MPPE1: variants seen among roughly 807,000 people sequenced by gnomAD.
MPPE1 encodes the protein metallophosphoesterase 1.
In MPPE1, 28 loss-of-function variants were observed where a neutral mutation model predicts 43.8. The ratio of observed to expected loss-of-function variants is 0.64; its 90% confidence interval spans 0.47 to 0.88. The LOEUF (loss-of-function observed/expected upper bound fraction) is 0.88. MPPE1 is among the 40% of genes least tolerant of loss of function. The pLI, the probability that MPPE1 is intolerant of heterozygous loss-of-function variation, is 0.00. For missense variants in MPPE1, 428 were observed against 492.2 expected (o/e 0.87, Z 1.23); for synonymous variants, 159 against 188.5 (o/e 0.84, Z 1.28).
At chr18:11,906,817 G>A (rs1184299543) in intron 1 of MPPE1, among the ~76,000 whole-genome samples, 1 of 144,654 alleles carries the variant, frequency 6.9e-6, no homozygotes, top group Admixed American at 7.1e-5. Context: ...TCGCGCCATT[G>A]CACTCCAGCC....
Position 11,886,502 on chromosome 18 carries a change from T to C in MPPE1, c.864A>G (p.Gln288=), listed in dbSNP as rs1180141255. The part of the protein sequence containing the change: ...NYDVLSREAS[Q]KLLWWLQPRL... ...GCATCACGACACCCTGGCAAACCTT[T>C]TGTGATGCCTCCCGTGAAAGCACGT... Residue 288 remains glutamine, a synonymous_variant, in exon 9 of 11, where the codon CAA becomes CAG. Coordinates refer to ENST00000588072, the MANE Select transcript of MPPE1 (RefSeq NM_023075.6). This position sits in a 1 kb window ranked among gnomAD's most constrained non-coding sequence, Gnocchi z 4.1. The C allele has an allele frequency of 3.1e-6, 5 of 1,614,052 alleles. No homozygotes were observed. The highest frequency in any genetic ancestry group is 2.2e-5 in the East Asian group (1 of 44,890).
intron 6 of MPPE1, among the ~76,000 whole-genome samples, chr18:11,887,282 G>A (rs1190183104): frequency 6.6e-6 from 1 of 152,176 alleles, no homozygotes; most frequent in Non-Finnish European, 1.5e-5. Context: ...GATTACAGAA[G>A]CTCTGCAGTT....
In MPPE1 at chr18:11,906,197, T is replaced by C. The variant is rs1468209134; in HGVS notation, c.-93+6A>G. Reference sequence around the variant, plus strand: ...CGTAAAATATGGAAGCTAGATTATATATTACCTATAATTTTCCAGGAAAAT... The same window carrying C: ...CGTAAAATATGGAAGCTAGATTATACATTACCTATAATTTTCCAGGAAAAT... On this transcript the variant is annotated splice_donor_region_variant and intron_variant, in intron 2 of 10. Coordinates refer to ENST00000588072, the MANE Select transcript of MPPE1 (RefSeq NM_023075.6). 2 of 152,156 alleles carry C rather than the reference T, an allele frequency of 1.3e-5. No individual in the cohort carries two copies. The highest frequency in any genetic ancestry group is 4.8e-5 in the African/African-American group (2 of 41,430). 9.4% of individuals were successfully genotyped at this position (152,156 alleles called of 1,614,324 possible).
In MPPE1 at chr18:11,884,215, T is replaced by A. The variant is rs117928919; in HGVS notation, c.*230A>T. The stretch of plus-strand genomic sequence containing the variant: ...GATGCAACCTTTGATGATACATATA[T>A]TTGATAAAAATGAGAAAACAGATTT... On this transcript the variant is annotated 3_prime_UTR_variant, in exon 11 of 11. Transcript: ENST00000588072. The A allele has an allele frequency of 4.2e-4, 217 of 512,910 alleles. No homozygotes were observed. Among genetic ancestry groups the A allele is most frequent in the East Asian group, 3.7e-3 (113 of 30,626 alleles). The allele number at this position is 512,910 out of a possible 1,614,324, so 31.8% of individuals were successfully genotyped here.
At chr18:11,900,780 G>A (rs183786157) in intron 2 of MPPE1, among the ~76,000 whole-genome samples, 91 of 151,794 alleles carry the variant, frequency 6.0e-4, no homozygotes, top group Admixed American at 1.1e-3. Flanking sequence ...GGTGGCAGAC[G>A]CCTGTAGTCC....
intron 3 of MPPE1, among the ~76,000 whole-genome samples, chr18:11,894,431 CAA>C (rs66687820): frequency 0.088 from 5,655 of 64,560 alleles, 44 homozygotes; most frequent in African/African-American, 0.11. Context: ...GACTCCATCT[CAA>C]AAAAAAAAAA....
chr18:11,902,002 T>TA (rs546339976), intron 2 of MPPE1, among the ~76,000 whole-genome samples: 131 of 152,352 alleles, frequency 8.6e-4, no homozygotes, highest in South Asian at 2.9e-3. Context: ...GGTCAAGCTG[T>TA]ACTTTATCTT....
rs2036779996 is a variant in MPPE1 at position 11,883,606 on chromosome 18, A to G, written c.*839T>C. 1 of 153,522 alleles carries G rather than the reference A, an allele frequency of 6.5e-6. No homozygotes were observed. Among genetic ancestry groups the G allele is most frequent in the Non-Finnish European group, 1.5e-5 (1 of 68,042 alleles). 9.5% of individuals were successfully genotyped at this position (153,522 alleles called of 1,614,324 possible). A position where few individuals can be genotyped will look rare whatever the true frequency, so the allele number is the denominator to read the frequency against. ...AACGTGGTCTCCTATAGAGAAAATT[A>G]CACTTATCTAAAAATCTGATTCCAT... On this transcript the variant is annotated 3_prime_UTR_variant, in exon 11 of 11. Coordinates refer to ENST00000588072, the MANE Select transcript of MPPE1 (RefSeq NM_023075.6).
At chr18:11,895,799 A>C (rs2038531698) in intron 3 of MPPE1, among the ~76,000 whole-genome samples, 1 of 151,864 alleles carries the variant, frequency 6.6e-6, no homozygotes, top group African/African-American at 2.4e-5. Context: ...TCCTGGCCTC[A>C]AGCAGTTCTT....
chr18:11,908,288 G>C lies in MPPE1; in HGVS notation c.-287C>G, dbSNP rs1249117769. The C allele has an allele frequency of 6.6e-6, 1 of 152,304 alleles. No homozygotes were observed. Among genetic ancestry groups the C allele is most frequent in the East Asian group, 1.9e-4 (1 of 5,196 alleles). The allele number at this position is 152,304 out of a possible 1,614,324, so 9.4% of individuals were successfully genotyped here. Reference sequence around the variant, plus strand: ...GGAGCCCTTTCACCAGGGCAGGGTGGCTTCGGTGGCCGAGGGACCCGGGAA... The same window carrying C: ...GGAGCCCTTTCACCAGGGCAGGGTGCCTTCGGTGGCCGAGGGACCCGGGAA... On this transcript the variant is annotated 5_prime_UTR_variant, in exon 1 of 11. Coordinates refer to ENST00000588072, the MANE Select transcript of MPPE1 (RefSeq NM_023075.6).
At chr18:11,884,827 G>T in intron 10 of MPPE1, 200 bp from the exon 11 acceptor site, 1 of 1,398,490 alleles carries the variant, frequency 7.2e-7, no homozygotes, top group Non-Finnish European at 9.3e-7. Context: ...TCCAGCAGGA[G>T]AGACAAGTAA....
Position 11,886,636 on chromosome 18 carries a change from G to C in MPPE1, c.745-15C>G, listed in dbSNP as rs747058357. The C allele has an allele frequency of 1.2e-5, 19 of 1,614,046 alleles. No homozygotes were observed. Among genetic ancestry groups the C allele is most frequent in the Middle Eastern group, 3.3e-4 (2 of 6,084 alleles). On this transcript the variant is annotated splice_polypyrimidine_tract_variant and intron_variant, in intron 8 of 10. Coordinates refer to ENST00000588072, the MANE Select transcript of MPPE1 (RefSeq NM_023075.6). The surrounding 1 kb of genome is among the most constrained non-coding windows in gnomAD (Gnocchi z 4.1). ...AGAGGATAATGCTGTCCGGGGTGGA[G>C]AGAGGAGTTCAGGCGGCTATCGTGA... is the stretch of plus-strand genomic sequence containing the variant.
intron 6 of MPPE1, among the ~76,000 whole-genome samples, 164 bp from the exon 7 acceptor site, chr18:11,887,189 A>G (rs371492302): frequency 6.6e-6 from 1 of 152,232 alleles, no homozygotes; most frequent in South Asian, 2.1e-4. Context: ...ATATGAGTCA[A>G]TATTAACAAA....
chr18:11,887,859 G>A (rs1180766999), intron 6 of MPPE1, among the ~76,000 whole-genome samples: 5 of 152,210 alleles, frequency 3.3e-5, no homozygotes, highest in Admixed American at 6.5e-5. Context: ...AGTCAGCAGA[G>A]AAAGCCACCT....
At chr18:11,888,807 T>C (rs773990902) in intron 5 of MPPE1, 64 bp from the exon 6 acceptor site, 19 of 874,422 alleles carry the variant, frequency 2.2e-5, no homozygotes, top group Non-Finnish European at 3.3e-5. Flanking sequence ...CCTAGAGTCA[T>C]CATGAACACA....
At chr18:11,893,240 C>A in intron 4 of MPPE1, 1 of 502,126 alleles carries the variant, frequency 2.0e-6, no homozygotes, top group Non-Finnish European at 3.5e-6. Context: ...CCTACATAGA[C>A]AAATGTTTAC....
intron 6 of MPPE1, among the ~76,000 whole-genome samples, chr18:11,887,238 A>G (rs1183786246): frequency 6.6e-6 from 1 of 152,218 alleles, no homozygotes; most frequent in Non-Finnish European, 1.5e-5. Context: ...ACACGATCGA[A>G]GGGTTTTTGA....
At chr18:11,885,369 T>C in intron 10 of MPPE1, 1 of 344,084 alleles carries the variant, frequency 2.9e-6, no homozygotes. Flanking sequence ...GAATAAATGG[T>C]TGTTTCTTTA....
chr18:11,905,013 A>G (rs1236067939), intron 2 of MPPE1, among the ~76,000 whole-genome samples: 2 of 151,524 alleles, frequency 1.3e-5, no homozygotes, highest in East Asian at 3.9e-4. Flanking sequence ...GCAGATCCTT[A>G]AACAGAACAC....
Sources: allele counts gnomAD v4.1 joint callset (sites outside exome capture counted in the v4.1 genomes callset), GRCh38; gene constraint gnomAD v4.1.1; non-coding constraint Gnocchi (gnomAD v3.1); transcripts MANE v1.5; gene names NCBI Gene and HGNC (gene_info 2026-07-23, HGNC 2026-07-21).